Variants in CA9 observed in about 807,000 individuals in gnomAD.
The protein encoded by CA9 is carbonic anhydrase 9, also known as CA-IX.
Under a neutral mutation model 51.8 loss-of-function variants are expected in CA9, and 43 were observed. The observed-to-expected ratio is 0.83, with a 90% CI of 0.65 to 1.07. The LOEUF is 1.07. Ranked by LOEUF, CA9 falls within the 50% of genes least tolerant of loss-of-function variation. The pLI, the probability that CA9 is intolerant of heterozygous loss-of-function variation, is 0.00. For missense variants in CA9, 574 were observed against 581.4 expected, an observed-to-expected ratio of 0.99 and a Z score of 0.13; for synonymous variants, 253 against 244.2, an observed-to-expected ratio of 1.04 and a Z score of -0.34.
chr9:35,676,443 C>T lies in CA9; in HGVS notation c.840+54C>T, dbSNP rs568773518. ...CCGCTTTCCCATCCCATGCTCCTCC[C>T]GGACTCTATCGTGGAGCCAGAGACC... On this transcript the variant is annotated intron_variant, in intron 5 of 10. Coordinates refer to ENST00000378357, the MANE Select transcript of CA9 (RefSeq NM_001216.3). 4.9e-6 allele frequency: 7 copies of T among 1,415,136 alleles called. No homozygotes were observed. The East Asian group carries it at 1.1e-4, about 23-fold the overall frequency. 87.7% of individuals were successfully genotyped at this position (1,415,136 alleles called of 1,614,324 possible).
In CA9 at chr9:35,674,988, C is replaced by CTTT. The variant is rs551485462; in HGVS notation, c.404-533_404-531dup. Reference sequence around the variant, plus strand: ...GACTCAGGACTGAAGTGCCCACTCACTTTTTTTTTTTTTTTTTTTGAGACA... The same window carrying CTTT: ...GACTCAGGACTGAAGTGCCCACTCACTTTTTTTTTTTTTTTTTTTTTTGAGACA... On this transcript the variant is annotated intron_variant, in intron 1 of 10. Coordinates refer to ENST00000378357, the MANE Select transcript of CA9 (RefSeq NM_001216.3). 8.3e-5 allele frequency: 11 copies of CTTT among 132,996 alleles called. No homozygotes were observed. The East Asian group carries it at 1.1e-3, about 13-fold the overall frequency. 8.2% of individuals were successfully genotyped at this position (132,996 alleles called of 1,614,324 possible). A position where few individuals can be genotyped will look rare whatever the true frequency, so the allele number is the denominator to read the frequency against.
In CA9 at chr9:35,674,211, TGGAGAGGAGGATCTACC is replaced by T. The variant is rs751238550; in HGVS notation, c.253_269del (p.Gly85TrpfsTer7). 6.6e-7 allele frequency: 1 copy of T among 1,509,204 alleles called. No homozygotes were observed. The highest frequency in any genetic ancestry group is 1.6e-5 in the African/African-American group (1 of 61,934). The allele number at this position is 1,509,204 out of a possible 1,614,324, so 93.5% of individuals were successfully genotyped here. The stretch of plus-strand genomic sequence containing the variant: ...ATCCACCCGGAGAGGAGGATCTACC[TGGAGAGGAGGATCTACC>T]TGGAGAGGAGGATCTACCTGAAGTT... On this transcript the variant is annotated frameshift_variant, in exon 1 of 11. Coordinates refer to ENST00000378357, the MANE Select transcript of CA9 (RefSeq NM_001216.3). LOFTEE classifies it high-confidence loss of function.
chr9:35,674,749 G>C (rs1824384344), intron 1 of CA9: 1 of 174,488 alleles, frequency 5.7e-6, no homozygotes, highest in African/African-American at 2.4e-5. Flanking sequence ...GGGTACCAGA[G>C]ACAAGCAAGA....
chr9:35,680,874 A>G (rs1315675820), intron 10 of CA9, 40 bp downstream of exon 10: 6 of 1,610,672 alleles, frequency 3.7e-6, no homozygotes, highest in Non-Finnish European at 4.2e-6. Flanking sequence ...AGCTTCCCCC[A>G]CCCTTGTGGA....
chr9:35,680,905 T>G, intron 10 of CA9, 60 bp from the exon 11 acceptor site: 1 of 1,611,216 alleles, frequency 6.2e-7, no homozygotes, highest in Non-Finnish European at 8.5e-7. Context: ...GCAAAGCGCA[T>G]GCAAATGAGC....
rs758938479 is a variant in CA9 at position 35,676,349 on chromosome 9, G to A, written c.800G>A (p.Gly267Glu). The A allele has an allele frequency of 2.7e-5, 43 of 1,613,932 alleles. No homozygotes were observed. The highest frequency in any genetic ancestry group is 3.4e-5 in the Non-Finnish European group (40 of 1,180,018). ...TAFARVDEAL[G>E]RPGGLAVLAA... ...TTTGCCAGAGTTGACGAGGCCTTGG[G>A]GCGCCCGGGAGGCCTGGCCGTGTTG... Residue 267 changes from glycine (G) to glutamate (E), a missense_variant, in exon 5 of 11, where the codon GGG becomes GAG. By Grantham distance (98) the Gly-to-Glu change is moderately conservative. Coordinates refer to ENST00000378357, the MANE Select transcript of CA9 (RefSeq NM_001216.3).
chr9:35,681,069 G>A lies in CA9; in HGVS notation c.*44G>A. ...TGTGAGAAGCCAGCCAGAGGCATCT[G>A]AGGGGGAGCCGGTAACTGTCCTGTC... On this transcript the variant is annotated 3_prime_UTR_variant, in exon 11 of 11. Coordinates refer to ENST00000378357, the MANE Select transcript of CA9 (RefSeq NM_001216.3). The A allele has an allele frequency of 6.4e-7, 1 of 1,571,838 alleles. No individual in the cohort carries two copies.
Position 35,680,023 on chromosome 9 carries a change from C to T in CA9, c.1210+25C>T, listed in dbSNP as rs199769254. 848 of 1,614,212 alleles carry T rather than the reference C, an allele frequency of 5.3e-4. 2 individuals carry two copies. Among genetic ancestry groups the T allele is most frequent in the South Asian group, 1.1e-3 (102 of 91,086 alleles). On this transcript the variant is annotated intron_variant, in intron 8 of 10. Transcript: ENST00000378357. ...GGTACAGCTTTGTCTGGTTTCCCCC[C>T]AGCCAGTAGTCCCTTATCCTCCCAT...
At chr9:35,675,448 G>A (rs1824397180) in intron 1 of CA9, 90 bp from the exon 2 acceptor site, 7 of 1,439,402 alleles carry the variant, frequency 4.9e-6, no homozygotes, top group Non-Finnish European at 6.9e-6. Context: ...TAATGCTCCT[G>A]TAAGGCATCT....
intron 4 of CA9, 44 bp from the exon 5 acceptor site, chr9:35,676,253 G>A (rs754112786): frequency 1.9e-6 from 3 of 1,613,658 alleles, no homozygotes; most frequent in Non-Finnish European, 2.5e-6. Context: ...GGGGCGGAGC[G>A]GGGCCAGAGA....
intron 1 of CA9, 58 bp downstream of exon 1, chr9:35,674,420 T>C (rs1824378390): frequency 1.3e-6 from 2 of 1,488,046 alleles, no homozygotes; most frequent in South Asian, 1.3e-5. Flanking sequence ...TCCCCTCCCA[T>C]ACCCCAGCCT....
intron 7 of CA9, 29 bp downstream of exon 7, chr9:35,679,371 G>A: frequency 1.3e-6 from 2 of 1,589,640 alleles, no homozygotes; most frequent in Non-Finnish European, 1.7e-6. Context: ...TGGACACAGT[G>A]GGTGCGGGGG....
At chr9:35,680,657 C>T (rs1014441980) in intron 9 of CA9, 96 bp from the exon 10 acceptor site, 29 of 976,512 alleles carry the variant, frequency 3.0e-5, no homozygotes, top group Admixed American at 7.9e-5. Flanking sequence ...CCTGAGAACT[C>T]GGGGCAGGGG....
In CA9 at chr9:35,681,044, T is replaced by C. The variant is rs1159510495; in HGVS notation, c.*19T>C. ...AGCCTAGAGGCTGGATCTTGGAGAA[T>C]GTGAGAAGCCAGCCAGAGGCATCTG... is the stretch of plus-strand genomic sequence containing the variant. On this transcript the variant is annotated 3_prime_UTR_variant, in exon 11 of 11. Coordinates refer to ENST00000378357, the MANE Select transcript of CA9 (RefSeq NM_001216.3). 2 of 1,611,738 alleles carry C rather than the reference T, an allele frequency of 1.2e-6. No individual in the cohort carries two copies. Among genetic ancestry groups the C allele is most frequent in the Non-Finnish European group, 1.7e-6 (2 of 1,178,976 alleles).
Position 35,676,102 on chromosome 9 carries a change from G to C in CA9, c.643G>C (p.Gly215Arg). The change falls in exon 4 of 11, where the codon GGT becomes CGT. Residue 215 changes from glycine to arginine, a missense_variant. By Grantham distance (125) the Gly-to-Arg change is moderately radical (BLOSUM62 -2). Coordinates refer to ENST00000378357, the MANE Select transcript of CA9 (RefSeq NM_001216.3). ...GCCTCCTGGGCTAGAGATGGCTCTG[G>C]GTCCCGGGCGGGAGTACCGGGCTCT... Reference protein sequence around the residue: ...TLPPGLEMALGPGREYRALQL... With the variant: ...TLPPGLEMALRPGREYRALQL... 1 of 1,613,742 alleles carries C rather than the reference G, an allele frequency of 6.2e-7. No individual in the cohort carries two copies. The highest frequency in any genetic ancestry group is 8.5e-7 in the Non-Finnish European group (1 of 1,179,886).
Position 35,676,289 on chromosome 9 carries a change from C to A in CA9, c.748-8C>A. 1 of 1,614,040 alleles carries A rather than the reference C, an allele frequency of 6.2e-7. No homozygotes were observed. Among genetic ancestry groups the A allele is most frequent in the African/African-American group, 1.3e-5 (1 of 75,062 alleles). On this transcript the variant is annotated splice_polypyrimidine_tract_variant and splice_region_variant and intron_variant, in intron 4 of 10. Transcript: ENST00000378357. The stretch of plus-strand genomic sequence containing the variant: ...CGTGGCCCTCTCCTACCCTCGTGTC[C>A]TTTTCAGATCCACGTGGTTCACCTC...
At chr9:35,676,419 C>G (rs1334957684) in intron 5 of CA9, 30 bp downstream of exon 5, 8 of 1,553,874 alleles carry the variant, frequency 5.1e-6, no homozygotes, top group Admixed American at 1.7e-5. Context: ...CCCTACTCCC[C>G]GCTTTCCCAT....
chr9:35,681,040 A>G lies in CA9; in HGVS notation c.*15A>G. 1 of 1,612,180 alleles carries G rather than the reference A, an allele frequency of 6.2e-7. No individual in the cohort carries two copies. The highest frequency in any genetic ancestry group is 8.5e-7 in the Non-Finnish European group (1 of 1,179,234). ...CTGGAGCCTAGAGGCTGGATCTTGGAGAATGTGAGAAGCCAGCCAGAGGCA... is the reference window on the plus strand; with the variant it reads ...CTGGAGCCTAGAGGCTGGATCTTGGGGAATGTGAGAAGCCAGCCAGAGGCA... On this transcript the variant is annotated 3_prime_UTR_variant, in exon 11 of 11. Coordinates refer to ENST00000378357, the MANE Select transcript of CA9 (RefSeq NM_001216.3).
chr9:35,675,217 C>T, intron 1 of CA9: 1 of 372,888 alleles, frequency 2.7e-6, no homozygotes, highest in Non-Finnish European at 4.9e-6. Flanking sequence ...TGGTCTCGAA[C>T]TCCTGATCTC....
Sources: gnomAD v4.1 joint callset for allele counts on GRCh38, gnomAD v4.1.1 for gene constraint, MANE v1.5 for transcripts, NCBI Gene and HGNC (gene_info 2026-07-23, HGNC 2026-07-21) for gene names.